Variants in STXBP6 observed in about 807,000 individuals in gnomAD.
The protein encoded by STXBP6 is syntaxin-binding protein 6.
A neutral mutation model predicts 26.9 loss-of-function variants in STXBP6; 21 were observed. The ratio of observed to expected loss-of-function variants is 0.78; its 90% confidence interval spans 0.55 to 1.12. The LOEUF is 1.12. Among genes scored for constraint, STXBP6 ranks in the 50% most tolerant of loss-of-function variants. The pLI is 0.00. For missense variants in STXBP6, 232 were observed against 257.9 expected, an observed-to-expected ratio of 0.90 and a Z score of 0.69; for synonymous variants, 97 against 92.6, an observed-to-expected ratio of 1.05 and a Z score of -0.27.
At chr14:24,877,614 A>G (rs1258456418) in intron 2 of STXBP6, among the ~76,000 whole-genome samples, 2 of 152,030 alleles carry the variant, frequency 1.3e-5, no homozygotes, top group African/African-American at 4.8e-5. Context: ...ACTTCTTCCT[A>G]CTTTGTATAG....
In STXBP6 at chr14:25,049,251, C is replaced by G. The variant is rs2075769414; in HGVS notation, c.-33+627G>C. On this transcript the variant is annotated intron_variant, in intron 1 of 5. Coordinates refer to ENST00000323944, the MANE Select transcript of STXBP6 (RefSeq NM_001394410.1). This position sits in a 1 kb window ranked among gnomAD's most constrained non-coding sequence, Gnocchi z 5.6. ...CGGCGGTGTTGGTGAGGCTCGATGC[C>G]GGCGTGCACGGCAAGCGCGAATTCG... 8.1e-6 allele frequency: 8 copies of G among 985,282 alleles called. No homozygotes were observed. The highest frequency in any genetic ancestry group is 9.6e-6 in the Non-Finnish European group (8 of 829,962). 61.0% of individuals were successfully genotyped at this position (985,282 alleles called of 1,614,324 possible). A position where few individuals can be genotyped will look rare whatever the true frequency, so the allele number is the denominator to read the frequency against.
chr14:24,895,329 C>T (rs570455272), intron 2 of STXBP6, among the ~76,000 whole-genome samples: 12 of 152,228 alleles, frequency 7.9e-5, no homozygotes, highest in Admixed American at 2.0e-4. Flanking sequence ...CCTAATTGTA[C>T]CATTAAGGAA....
intron 2 of STXBP6, among the ~76,000 whole-genome samples, chr14:24,960,371 C>T (rs1189924969): frequency 1.3e-5 from 2 of 152,038 alleles, no homozygotes; most frequent in Non-Finnish European, 2.9e-5. Context: ...CTATGCCTCC[C>T]TTCAATAAAA....
At chr14:25,018,509 T>C (rs2075201306) in intron 1 of STXBP6, among the ~76,000 whole-genome samples, 1 of 152,218 alleles carries the variant, frequency 6.6e-6, no homozygotes, top group Non-Finnish European at 1.5e-5. Context: ...TTCTTTGGCA[T>C]TGCCACCCAG....
chr14:25,018,648 G>T (rs2075204258), intron 1 of STXBP6, among the ~76,000 whole-genome samples: 2 of 152,188 alleles, frequency 1.3e-5, no homozygotes, highest in Non-Finnish European at 2.9e-5. Context: ...CCACAGAGCT[G>T]TGTCCTGGTC....
At chr14:24,835,254 A>C (rs947667977) in intron 4 of STXBP6, among the ~76,000 whole-genome samples, 1 of 152,228 alleles carries the variant, frequency 6.6e-6, no homozygotes, top group Admixed American at 6.5e-5. Context: ...GAGCGGCACT[A>C]AACTCACAGA....
chr14:24,866,232 G>C (rs972143610), intron 2 of STXBP6, among the ~76,000 whole-genome samples: 1 of 152,104 alleles, frequency 6.6e-6, no homozygotes, highest in Admixed American at 6.6e-5. Context: ...CTTTGGACTT[G>C]TACTGCAATA....
At chr14:24,949,752 T>C (rs139841789) in intron 2 of STXBP6, among the ~76,000 whole-genome samples, 109 of 152,304 alleles carry the variant, frequency 7.2e-4, no homozygotes, top group Non-Finnish European at 2.5e-4. Context: ...AATAATGAAC[T>C]GTAACATAAC....
intron 2 of STXBP6, among the ~76,000 whole-genome samples, chr14:24,936,510 A>G (rs2139950007): frequency 6.6e-6 from 1 of 152,328 alleles, no homozygotes; most frequent in East Asian, 1.9e-4. Context: ...TAGATTTGTA[A>G]AGAATCTTAT....
At position 24,833,530 on chromosome 14, in the gene STXBP6, A is replaced by G. The variant is rs560278222; in HGVS notation, c.452-14336T>C. ...ATAGTGGTATGTTGAATGGCTAGTGAACTGATAAACAATGGAAGATATATT... is the reference window on the plus strand; with the variant it reads ...ATAGTGGTATGTTGAATGGCTAGTGGACTGATAAACAATGGAAGATATATT... On this transcript the variant is annotated intron_variant, in intron 4 of 5. Coordinates refer to ENST00000323944, the MANE Select transcript of STXBP6 (RefSeq NM_001394410.1). Among the ~76,000 whole-genome samples, 90 of 152,340 alleles carry G rather than the reference A, an allele frequency of 5.9e-4. 2 individuals carry two copies. The South Asian group carries it at 0.018, about 31-fold the overall frequency.
chr14:24,900,448 A>C (rs1247739556), intron 2 of STXBP6, among the ~76,000 whole-genome samples: 1 of 152,220 alleles, frequency 6.6e-6, no homozygotes, highest in Non-Finnish European at 1.5e-5. Flanking sequence ...GCAAGAAAGA[A>C]GCTCTGCGTA....
chr14:25,043,223 C>T (rs1325667265), intron 1 of STXBP6, among the ~76,000 whole-genome samples: 1 of 152,188 alleles, frequency 6.6e-6, no homozygotes, highest in African/African-American at 2.4e-5. Flanking sequence ...GAACAAAACC[C>T]TTTTAATTCA....
chr14:24,851,140 C>T (rs1034682986), intron 4 of STXBP6, among the ~76,000 whole-genome samples: 1 of 151,862 alleles, frequency 6.6e-6, no homozygotes, highest in Non-Finnish European at 1.5e-5. Context: ...TTAAAGAATA[C>T]TGATGTAAGT....
intron 4 of STXBP6, among the ~76,000 whole-genome samples, chr14:24,829,588 G>C (rs1475562699): frequency 6.6e-6 from 1 of 152,004 alleles, no homozygotes; most frequent in East Asian, 1.9e-4. Context: ...CTCAACCATT[G>C]ATGTACTTTC....
At chr14:24,956,521 T>G (rs1288439184) in intron 2 of STXBP6, among the ~76,000 whole-genome samples, 1 of 152,220 alleles carries the variant, frequency 6.6e-6, no homozygotes, top group Non-Finnish European at 1.5e-5. Context: ...GTTATCGAAC[T>G]GCAGGGAATT....
chr14:24,867,096 G>T (rs1222104875), intron 2 of STXBP6, among the ~76,000 whole-genome samples: 5 of 152,074 alleles, frequency 3.3e-5, no homozygotes, highest in Non-Finnish European at 4.4e-5. Flanking sequence ...ATTAAGAGTT[G>T]GGCCCTTGAG....
chr14:24,949,734 T>G (rs2073102819), intron 2 of STXBP6, among the ~76,000 whole-genome samples: 2 of 152,158 alleles, frequency 1.3e-5, no homozygotes. Flanking sequence ...CCTAAAAGTT[T>G]CTCTTCAAAT....
chr14:24,905,450 G>T (rs1056997311), intron 2 of STXBP6, among the ~76,000 whole-genome samples: 1 of 152,150 alleles, frequency 6.6e-6, no homozygotes, highest in South Asian at 2.1e-4. Context: ...TTGAATTTGG[G>T]TCTTTCTGCG....
chr14:25,049,782 G>A lies in STXBP6; in HGVS notation c.-33+96C>T, dbSNP rs2075778158. The A allele has an allele frequency of 3.0e-6, 3 of 985,608 alleles. No homozygotes were observed. The South Asian group carries it at 1.4e-4, about 46-fold the overall frequency. The allele number at this position is 985,608 out of a possible 1,614,324, so 61.1% of individuals were successfully genotyped here. On this transcript the variant is annotated intron_variant, in intron 1 of 5. Transcript: ENST00000323944. The surrounding 1 kb of genome is among the most constrained non-coding windows in gnomAD (Gnocchi z 5.6). ...GCCTCACAGCCACCCGCCTCGGACG[G>A]AGCGCCAGGCGCCCCAACAGCCGTG... is the stretch of plus-strand genomic sequence containing the variant.
Sources: allele counts gnomAD v4.1 joint callset (sites outside exome capture counted in the v4.1 genomes callset), GRCh38; gene constraint gnomAD v4.1.1; non-coding constraint Gnocchi (gnomAD v3.1); transcripts MANE v1.5; gene names NCBI Gene and HGNC (gene_info 2026-07-23, HGNC 2026-07-21).